The following KMT2C variants were observed in gnomAD, a reference collection of about 807,000 sequenced individuals.
The protein encoded by KMT2C is histone-lysine N-methyltransferase 2C.
A neutral mutation model predicts 507.9 loss-of-function variants in KMT2C; 88 were observed. The ratio of observed to expected loss-of-function variants is 0.17; its 90% confidence interval spans 0.15 to 0.21. The LOEUF (loss-of-function observed/expected upper bound fraction) is 0.21. KMT2C is among the 10% of genes least tolerant of loss of function. KMT2C has a pLI of 1.00. For synonymous variants in KMT2C, 2,049 were observed against 2,080.8 expected (o/e 0.98, Z 0.42); for missense variants, 4,954 against 5,957.8 (o/e 0.83, Z 5.55).
chr7:152,354,484 C>A (rs1010583883), intron 2 of KMT2C, among the ~76,000 whole-genome samples: 1 of 152,086 alleles, frequency 6.6e-6, no homozygotes, highest in African/African-American at 2.4e-5. Context: ...GGAAAGCATA[C>A]AATAAGCCAA....
At chr7:152,298,382 A>C (rs1374186850) in intron 6 of KMT2C, among the ~76,000 whole-genome samples, 1 of 152,226 alleles carries the variant, frequency 6.6e-6, no homozygotes, top group Non-Finnish European at 1.5e-5. Context: ...AATCAGGGAT[A>C]TATTATTAAT....
In KMT2C at chr7:152,158,958, C is replaced by T. The variant is rs772812470; in HGVS notation, c.11575G>A (p.Glu3859Lys). 4 of 1,614,226 alleles carry T rather than the reference C, an allele frequency of 2.5e-6. No homozygotes were observed. Among genetic ancestry groups the T allele is most frequent in the East Asian group, 4.5e-5 (2 of 44,872 alleles). The change falls in exon 44 of 59, where the codon GAG becomes AAG. Residue 3859 changes from glutamate (E) to lysine (K), a missense_variant. Physicochemically the swap from Glu to Lys is moderately conservative, Grantham distance 56. Coordinates refer to ENST00000262189, the MANE Select transcript of KMT2C (RefSeq NM_170606.3). Reference protein sequence around the residue: ...QRSKRTQRTGEKAAPRSKKRK... With the variant: ...QRSKRTQRTGKKAAPRSKKRK... The stretch of plus-strand genomic sequence containing the variant: ...TTCTTTGAGCGAGGTGCTGCTTTCT[C>T]ACCCGTCCTCTGAGTCCGTTTGCTT...
chr7:152,278,143 T>A (rs2096123187), intron 6 of KMT2C, among the ~76,000 whole-genome samples: 5 of 152,292 alleles, frequency 3.3e-5, no homozygotes, highest in Non-Finnish European at 1.5e-5. Context: ...GTCCTTGCGA[T>A]AACGAGTGAG....
intron 3 of KMT2C, among the ~76,000 whole-genome samples, chr7:152,321,398 T>C (rs546389845): frequency 5.9e-5 from 9 of 151,804 alleles, no homozygotes; most frequent in East Asian, 5.8e-4. Context: ...AAAATTTCAA[T>C]ATATTACTGG....
intron 1 of KMT2C, among the ~76,000 whole-genome samples, chr7:152,366,497 A>C (rs1335982701): frequency 6.6e-6 from 1 of 151,760 alleles, no homozygotes; most frequent in African/African-American, 2.4e-5. Flanking sequence ...AGTCACAAAG[A>C]AAAAAAAATA....
chr7:152,324,638 AACTGG>A lies in KMT2C; in HGVS notation c.389+5958_389+5962del, dbSNP rs1210944766. Among the ~76,000 whole-genome samples the A allele has an allele frequency of 2.0e-5, 3 of 152,092 alleles. No individual in the cohort carries two copies. The East Asian group carries it at 5.8e-4, about 29-fold the overall frequency. On this transcript the variant is annotated intron_variant, in intron 3 of 58. Transcript: ENST00000262189. ...TCCAAGAAAAAAAATCTTTGAATTG[AACTGG>A]TAATGACTTCATTTTCTAGAAGAAA...
At chr7:152,158,112 G>C (rs1402589280) in intron 44 of KMT2C, among the ~76,000 whole-genome samples, 1 of 152,192 alleles carries the variant, frequency 6.6e-6, no homozygotes, top group Non-Finnish European at 1.5e-5. Flanking sequence ...AATAAGCTCT[G>C]TACTAAATGA....
rs1432366531 is a variant in KMT2C at position 152,435,618 on chromosome 7, C to T, written c.161+8G>A. On this transcript the variant is annotated splice_region_variant and intron_variant, in intron 1 of 58. Transcript: ENST00000262189. ...GCTCCCGGCCTGGCTCCCTCGCACT[C>T]AACTTACTTCTTTCTGGCTCTCTGG... 2 of 1,493,284 alleles carry T rather than the reference C, an allele frequency of 1.3e-6. No homozygotes were observed. The highest frequency in any genetic ancestry group is 1.2e-5 in the South Asian group (1 of 80,668). 92.5% of individuals were successfully genotyped at this position (1,493,284 alleles called of 1,614,324 possible). A position where few individuals can be genotyped will look rare whatever the true frequency, so the allele number is the denominator to read the frequency against.
At chr7:152,291,288 T>C (rs200034884) in intron 6 of KMT2C, among the ~76,000 whole-genome samples, 8 of 147,216 alleles carry the variant, frequency 5.4e-5, no homozygotes, top group African/African-American at 1.5e-4. Context: ...ATATTCTGCC[T>C]CTATATCTAA....
chr7:152,372,003 G>A (rs542530852), intron 1 of KMT2C, among the ~76,000 whole-genome samples: 42 of 151,764 alleles, frequency 2.8e-4, no homozygotes, highest in African/African-American at 9.4e-4. Context: ...CCAAAAAATC[G>A]TCAAATCACA....
chr7:152,164,138 T>C (rs969660123), intron 42 of KMT2C, among the ~76,000 whole-genome samples: 4 of 152,254 alleles, frequency 2.6e-5, no homozygotes, highest in East Asian at 1.9e-4. Context: ...ATTTATACTA[T>C]ACATAAAAAA....
At chr7:152,413,900 A>T (rs77285272) in intron 1 of KMT2C, among the ~76,000 whole-genome samples, 1 of 150,140 alleles carries the variant, frequency 6.7e-6, no homozygotes, top group East Asian at 2.0e-4. Flanking sequence ...AAAAAAAAAA[A>T]TTTACAAAAG....
At chr7:152,323,518 T>C (rs1018042481) in intron 3 of KMT2C, among the ~76,000 whole-genome samples, 2 of 150,938 alleles carry the variant, frequency 1.3e-5, no homozygotes, top group African/African-American at 4.9e-5. Flanking sequence ...CACACAACTG[T>C]AGTCCCAGCC....
rs2129113105 is a variant in KMT2C, at chr7:152,176,475, A to G, written c.8978T>C (p.Leu2993Pro). 1 of 1,614,172 alleles carries G rather than the reference A, an allele frequency of 6.2e-7. No individual in the cohort carries two copies. Among genetic ancestry groups the G allele is most frequent in the Non-Finnish European group, 8.5e-7 (1 of 1,180,030 alleles). The change falls in exon 38 of 59, where the codon CTC becomes CCC. Residue 2993 changes from leucine (L) to proline (P), a missense_variant. Physicochemically the swap from Leu to Pro is moderately conservative, Grantham distance 98 (BLOSUM62 -3). This residue lies in a region of KMT2C where 1,689 missense variants were observed against 1,654.3 expected (regional missense o/e 1.02). Transcript: ENST00000262189. The part of the protein sequence containing the change: ...FSQGVQVNPG[L>P]IPGQSTVNHS... ...GTTAACTGTTGATTGACCTGGAATG[A>G]GCCCTGGGTTTACCTGCACACCCTG...
At chr7:152,369,109 G>A (rs1350510739) in intron 1 of KMT2C, among the ~76,000 whole-genome samples, 1 of 151,958 alleles carries the variant, frequency 6.6e-6, no homozygotes, top group East Asian at 1.9e-4. Flanking sequence ...GATCACTTGA[G>A]GTCAGGAGTT....
chr7:152,296,917 G>A (rs562540536), intron 6 of KMT2C, among the ~76,000 whole-genome samples: 1 of 150,812 alleles, frequency 6.6e-6, no homozygotes, highest in Admixed American at 6.7e-5. Context: ...AGACAGGTGC[G>A]TCACTTGAGG....
chr7:152,154,405 A>G lies in KMT2C; in HGVS notation c.12001T>C (p.Phe4001Leu). Residue 4001 changes from phenylalanine to leucine, a missense_variant, in exon 47 of 59, where the codon TTT becomes CTT. Physicochemically the swap from Phe to Leu is conservative, Grantham distance 22. This residue lies in a region of KMT2C where 104 missense variants were observed against 134.3 expected (regional missense o/e 0.77). Transcript: ENST00000262189. Reference protein sequence around the residue: ...HCGDRDTPDSFVPSSSPESVV... With the variant: ...HCGDRDTPDSLVPSSSPESVV... ...CTCTCAGGAGAGGATGAGGGAACAA[A>G]ACTGTCAGGAGTATCTCGATCACCA... The G allele has an allele frequency of 6.2e-7, 1 of 1,614,048 alleles. No homozygotes were observed. The highest frequency in any genetic ancestry group is 8.5e-7 in the Non-Finnish European group (1 of 1,180,000).
At position 152,316,432 on chromosome 7, in the gene KMT2C, A is replaced by T. The variant is rs116069236; in HGVS notation, c.390-1094T>A. On this transcript the variant is annotated intron_variant, in intron 3 of 58. Transcript: ENST00000262189. ...ATAAAAAAGGAGAAAACATTAAAAA[A>T]TTAAGAGACAACAATCAATATACAT... Among the ~76,000 whole-genome samples the T allele has an allele frequency of 4.0e-3, 615 of 152,180 alleles. 5 individuals carry two copies. Among genetic ancestry groups the T allele is most frequent in the African/African-American group, 0.014 (593 of 41,436 alleles).
At chr7:152,297,117 T>C (rs2096523541) in intron 6 of KMT2C, among the ~76,000 whole-genome samples, 1 of 151,364 alleles carries the variant, frequency 6.6e-6, no homozygotes, top group African/African-American at 2.4e-5. Context: ...CGTGAATATA[T>C]GTGAACATAT....
Sources: allele counts gnomAD v4.1 joint callset (sites outside exome capture counted in the v4.1 genomes callset), GRCh38; gene constraint gnomAD v4.1.1; regional missense constraint gnomAD v4.1.1; transcripts MANE v1.5; gene names NCBI Gene and HGNC (gene_info 2026-07-23, HGNC 2026-07-21).